Variants in TRHDE observed in about 807,000 individuals in gnomAD.
TRHDE encodes thyrotropin-releasing hormone-degrading ectoenzyme.
TRHDE carries 72 observed loss-of-function variants against 125.7 expected under a neutral mutation model. The observed-to-expected ratio is 0.57, with a 90% CI of 0.47 to 0.70. The LOEUF (loss-of-function observed/expected upper bound fraction) is 0.70. Ranked by LOEUF, TRHDE falls within the 30% of genes least tolerant of loss-of-function variation. The probability of loss-of-function intolerance (pLI) is 0.00; values close to 1 mark genes in which losing one functional copy is unlikely to be tolerated. For missense variants in TRHDE, 1,110 were observed against 1,327.1 expected (o/e 0.84, Z 2.54); for synonymous variants, 509 against 509.1 (o/e 1.00, Z 0.00).
chr12:72,541,151 AT>A (rs922933761), intron 6 of TRHDE, among the ~76,000 whole-genome samples: 1 of 151,606 alleles, frequency 6.6e-6, no homozygotes, highest in African/African-American at 2.4e-5. Context: ...GAAATGAATT[AT>A]TGCAGTTGTA....
At chr12:72,209,669 A>C (rs537498648) in intron 2 of TRHDE, among the ~76,000 whole-genome samples, 1 of 152,340 alleles carries the variant, frequency 6.6e-6, no homozygotes, top group East Asian at 1.9e-4. Context: ...CTACATTAAA[A>C]TAGGGGTAAA....
At chr12:72,523,096 T>C (rs916980094) in intron 6 of TRHDE, among the ~76,000 whole-genome samples, 1 of 152,048 alleles carries the variant, frequency 6.6e-6, no homozygotes, top group Non-Finnish European at 1.5e-5. Context: ...GCAGAAGCCA[T>C]GATGTTGCTG....
chr12:72,239,163 T>C (rs984653095), intron 2 of TRHDE, among the ~76,000 whole-genome samples: 2 of 152,242 alleles, frequency 1.3e-5, no homozygotes, highest in Non-Finnish European at 2.9e-5. Flanking sequence ...CATTTCTTCA[T>C]GTGTTTGTTG....
chr12:72,313,540 T>A (rs1868648339), intron 2 of TRHDE, among the ~76,000 whole-genome samples: 1 of 152,250 alleles, frequency 6.6e-6, no homozygotes, highest in South Asian at 2.1e-4. Context: ...TTATATATAT[T>A]TTTTCTGTTT....
intron 2 of TRHDE, among the ~76,000 whole-genome samples, chr12:72,157,122 TC>T (rs896443220): frequency 6.0e-5 from 9 of 151,182 alleles, no homozygotes; most frequent in Non-Finnish European, 1.0e-4. Flanking sequence ...TTTTTCTTTT[TC>T]TTTTTTTTTT....
At chr12:72,639,338 C>T (rs1873925977) in intron 15 of TRHDE, among the ~76,000 whole-genome samples, 1 of 150,796 alleles carries the variant, frequency 6.6e-6, no homozygotes, top group South Asian at 2.1e-4. Context: ...GTTCTCGAGC[C>T]TTGGTTTTCA....
chr12:72,578,636 C>T (rs901559570), intron 12 of TRHDE, among the ~76,000 whole-genome samples: 1 of 152,046 alleles, frequency 6.6e-6, no homozygotes, highest in Non-Finnish European at 1.5e-5. Flanking sequence ...TTGTGTCATC[C>T]GTTTATTACT....
intron 2 of TRHDE, among the ~76,000 whole-genome samples, chr12:72,349,121 C>T (rs555099840): frequency 4.6e-5 from 7 of 151,966 alleles, no homozygotes; most frequent in East Asian, 1.9e-4. Context: ...GATTTTATAC[C>T]GTAGTTGTAA....
At chr12:72,262,442 G>A in intron 2 of TRHDE, 1 of 152,108 alleles carries the variant, frequency 6.6e-6, no homozygotes, top group Admixed American at 6.6e-5. Context: ...AAAATTAAAT[G>A]TTTGGATGAT....
At chr12:72,095,887 A>G (rs1874904602) in intron 1 of TRHDE, among the ~76,000 whole-genome samples, 1 of 152,170 alleles carries the variant, frequency 6.6e-6, no homozygotes, top group Admixed American at 6.5e-5. Context: ...GTGGAATTTG[A>G]GTAAAGCAGA....
At chr12:72,599,530 T>C (rs1249615733) in intron 12 of TRHDE, among the ~76,000 whole-genome samples, 1 of 152,178 alleles carries the variant, frequency 6.6e-6, no homozygotes, top group Non-Finnish European at 1.5e-5. Flanking sequence ...TTGAGAAATA[T>C]CTGTTTATGT....
chr12:72,212,511 A>G (rs1453254181), intron 2 of TRHDE, among the ~76,000 whole-genome samples: 1 of 152,174 alleles, frequency 6.6e-6, no homozygotes, highest in East Asian at 1.9e-4. Context: ...TCACAATTCA[A>G]TGACAATATA....
At chr12:72,408,777 A>G (rs1873371886) in intron 3 of TRHDE, among the ~76,000 whole-genome samples, 1 of 152,224 alleles carries the variant, frequency 6.6e-6, no homozygotes, top group African/African-American at 2.4e-5. Flanking sequence ...TGAATCAGCC[A>G]GAATAATTGT....
intron 6 of TRHDE, among the ~76,000 whole-genome samples, chr12:72,539,904 C>T (rs1592522913): frequency 6.6e-6 from 1 of 151,712 alleles, no homozygotes; most frequent in Non-Finnish European, 1.5e-5. Flanking sequence ...GTTTGTTTGA[C>T]TGGGGCTGGA....
At position 72,540,446 on chromosome 12, in the gene TRHDE, C is replaced by G. The variant is rs1869089330; in HGVS notation, c.1723-1845C>G. Among the ~76,000 whole-genome samples, 2 of 151,622 alleles carry G rather than the reference C, an allele frequency of 1.3e-5. 1 individual carries two copies. Among genetic ancestry groups the G allele is most frequent in the South Asian group, 4.2e-4 (2 of 4,818 alleles). On this transcript the variant is annotated intron_variant, in intron 6 of 18. Coordinates refer to ENST00000261180, the MANE Select transcript of TRHDE (RefSeq NM_013381.3). ...AGCATTCTTGTGTCATTAGACCATGCTAGATTAATAGTTTTTATAAACTGA... is the reference window on the plus strand; with the variant it reads ...AGCATTCTTGTGTCATTAGACCATGGTAGATTAATAGTTTTTATAAACTGA...
chr12:72,655,394 A>C (rs933402145), intron 17 of TRHDE, among the ~76,000 whole-genome samples: 1 of 151,846 alleles, frequency 6.6e-6, no homozygotes, highest in African/African-American at 2.4e-5. Context: ...TTAATATCAA[A>C]CTGCTTGTAG....
chr12:72,088,015 G>A (rs1874708328), intron 1 of TRHDE, among the ~76,000 whole-genome samples: 3 of 152,046 alleles, frequency 2.0e-5, no homozygotes, highest in Admixed American at 2.0e-4. Flanking sequence ...TTCAGGATTT[G>A]GAGGACTTGA....
chr12:72,629,952 G>A (rs1873412855), intron 15 of TRHDE, among the ~76,000 whole-genome samples: 1 of 150,992 alleles, frequency 6.6e-6, no homozygotes. Flanking sequence ...TAATGATACT[G>A]TGGTAACAAT....
chr12:72,315,484 G>A (rs1280858330), intron 2 of TRHDE, among the ~76,000 whole-genome samples: 1 of 152,000 alleles, frequency 6.6e-6, no homozygotes, highest in African/African-American at 2.4e-5. Context: ...ATCTAGTTAT[G>A]CATAGCTCTA....
Sources: allele counts gnomAD v4.1 joint callset (sites outside exome capture counted in the v4.1 genomes callset), GRCh38; gene constraint gnomAD v4.1.1; transcripts MANE v1.5; gene names NCBI Gene and HGNC (gene_info 2026-07-23, HGNC 2026-07-21).